The following OR51B5 variants were observed in gnomAD, a reference collection of about 807,000 sequenced individuals.
OR51B5 encodes olfactory receptor 51B5.
For synonymous variants in OR51B5, 186 were observed against 144.8 expected (o/e 1.28, Z -2.04); for missense variants, 456 against 374.6 (o/e 1.22, Z -1.79).
intron 1 of OR51B5, among the ~76,000 whole-genome samples, chr11:5,384,345 C>G (rs945053538): frequency 2.6e-5 from 4 of 152,158 alleles, no homozygotes; most frequent in Admixed American, 2.6e-4. Context: ...CAGTCTGGGC[C>G]TTAGATTTTT....
chr11:5,374,053 C>G (rs1334440066), intron 1 of OR51B5, among the ~76,000 whole-genome samples: 1 of 152,142 alleles, frequency 6.6e-6, no homozygotes, highest in Non-Finnish European at 1.5e-5. Context: ...ACCCCTGACC[C>G]CCGAGCAGCC....
intron 1 of OR51B5, among the ~76,000 whole-genome samples, chr11:5,446,275 G>C (rs917231530): frequency 4.0e-5 from 6 of 149,950 alleles, no homozygotes; most frequent in African/African-American, 1.5e-4. Flanking sequence ...CATAAAAAAA[G>C]AAAGTAGAAT....
At chr11:5,471,635 CAA>C (rs34498667) in intron 1 of OR51B5, among the ~76,000 whole-genome samples, 7 of 124,302 alleles carry the variant, frequency 5.6e-5, no homozygotes, top group East Asian at 2.3e-4. Context: ...GACTCTGTCT[CAA>C]AAAAAAAAAA....
intron 1 of OR51B5, among the ~76,000 whole-genome samples, chr11:5,502,364 C>T (rs866573129): frequency 6.6e-6 from 1 of 152,154 alleles, no homozygotes; most frequent in South Asian, 2.1e-4. Context: ...ATGAATGTAT[C>T]GAGCTCCAGT....
intron 1 of OR51B5, chr11:5,453,939 C>T (rs373768295): frequency 2.3e-5 from 37 of 1,614,092 alleles, no homozygotes; most frequent in South Asian, 5.5e-5. Flanking sequence ...TGCAGCTGCT[C>T]GAAGCTTCAT....
chr11:5,455,028 C>A (rs1317351621), intron 1 of OR51B5: 1 of 152,300 alleles, frequency 6.6e-6, no homozygotes, highest in Non-Finnish European at 1.5e-5. Context: ...ATTGCTTTAA[C>A]TTCACAAAGT....
At chr11:5,504,501 G>A (rs534823882) in intron 1 of OR51B5, among the ~76,000 whole-genome samples, 3 of 152,238 alleles carry the variant, frequency 2.0e-5, no homozygotes, top group African/African-American at 7.2e-5. Flanking sequence ...TTGATCTTGG[G>A]CCATGGCTGA....
chr11:5,505,443 A>C, intron 1 of OR51B5: 2 of 1,304,004 alleles, frequency 1.5e-6, no homozygotes, highest in Non-Finnish European at 2.0e-6. Context: ...ATCTGGACAA[A>C]AACTATCCCC....
At chr11:5,408,857 T>C (rs1260326337) in intron 1 of OR51B5, among the ~76,000 whole-genome samples, 1 of 152,180 alleles carries the variant, frequency 6.6e-6, no homozygotes, top group East Asian at 1.9e-4. Context: ...AAGCATTTAA[T>C]TCATAGAAAA....
At chr11:5,443,008 C>CT (rs1339399094) in intron 1 of OR51B5, among the ~76,000 whole-genome samples, 14 of 152,028 alleles carry the variant, frequency 9.2e-5, no homozygotes, top group African/African-American at 1.7e-4. Flanking sequence ...TCTTTTCTGT[C>CT]TTTTTTTTAA....
chr11:5,407,178 T>C (rs937464880), intron 1 of OR51B5, among the ~76,000 whole-genome samples: 1 of 152,152 alleles, frequency 6.6e-6, no homozygotes, highest in Admixed American at 6.5e-5. Context: ...GGGTACAGGA[T>C]ATATTCATTT....
At chr11:5,367,938 T>G (rs532273668) in intron 1 of OR51B5, among the ~76,000 whole-genome samples, 2 of 152,322 alleles carry the variant, frequency 1.3e-5, no homozygotes, top group South Asian at 4.1e-4. Context: ...TTTCCTATCC[T>G]TACTCAGCAG....
chr11:5,381,553 T>G (rs892461783), intron 1 of OR51B5, among the ~76,000 whole-genome samples: 1 of 152,194 alleles, frequency 6.6e-6, no homozygotes, highest in Admixed American at 6.5e-5. Flanking sequence ...TCTAACATCT[T>G]TACTCAATGT....
chr11:5,483,883 G>C (rs1453372778), intron 1 of OR51B5, among the ~76,000 whole-genome samples: 1 of 152,042 alleles, frequency 6.6e-6, no homozygotes, highest in Non-Finnish European at 1.5e-5. Context: ...AACTGAGAAA[G>C]GACAAGACAT....
At chr11:5,421,883 T>C (rs1342439054) in intron 1 of OR51B5, among the ~76,000 whole-genome samples, 1 of 152,232 alleles carries the variant, frequency 6.6e-6, no homozygotes, top group East Asian at 1.9e-4. Context: ...GTGAGATTTG[T>C]ATGAAAGGCT....
rs766926684 is a variant in OR51B5 at position 5,430,897 on chromosome 11, C to A, written n.84+74672G>T. 6.6e-6 allele frequency: 3 copies of A among 457,070 alleles called. No homozygotes were observed. In the Middle Eastern group the frequency reaches 9.7e-4, roughly 148 times the overall value. The allele number at this position is 457,070 out of a possible 1,614,324, so 28.3% of individuals were successfully genotyped here. A position where few individuals can be genotyped will look rare whatever the true frequency, so the allele number is the denominator to read the frequency against. Reference sequence around the variant, plus strand: ...CACACATGTGTTGAGAGCCTTCCACCGTCCCTCTCCAGAAGCAATGCCCAT... The same window carrying A: ...CACACATGTGTTGAGAGCCTTCCACAGTCCCTCTCCAGAAGCAATGCCCAT... On this transcript the variant is annotated intron_variant and non_coding_transcript_variant, in intron 1 of 4. Coordinates refer to the OR51B5 transcript ENST00000415970.
chr11:5,501,799 G>T (rs1428254439), intron 1 of OR51B5, among the ~76,000 whole-genome samples: 1 of 147,584 alleles, frequency 6.8e-6, no homozygotes, highest in Non-Finnish European at 1.5e-5. Context: ...TAAGTTCTAG[G>T]GTACATGTGC....
chr11:5,489,687 T>TA (rs575645666), intron 1 of OR51B5: 120 of 1,483,222 alleles, frequency 8.1e-5, no homozygotes, highest in African/African-American at 5.9e-4. Flanking sequence ...GTTGGAGATT[T>TA]AAAAAAAAGT....
In OR51B5 at chr11:5,459,581, C is replaced by A. The variant is rs946469506; in HGVS notation, n.84+45988G>T. Reference sequence around the variant, plus strand: ...AAAGTGGGCAAAAGACATGAACAGACACTTCTCAAAAGAAGATATACAGGT... The same window carrying A: ...AAAGTGGGCAAAAGACATGAACAGAAACTTCTCAAAAGAAGATATACAGGT... On this transcript the variant is annotated intron_variant and non_coding_transcript_variant, in intron 1 of 4. Transcript: ENST00000415970. Among the ~76,000 whole-genome samples, 143 of 152,260 alleles carry A rather than the reference C, an allele frequency of 9.4e-4. 5 individuals carry two copies. The South Asian group carries it at 0.029, about 31-fold the overall frequency.
Sources: allele counts gnomAD v4.1 joint callset (sites outside exome capture counted in the v4.1 genomes callset), GRCh38; gene constraint gnomAD v4.1.1; transcripts MANE v1.5; gene names NCBI Gene and HGNC (gene_info 2026-07-23, HGNC 2026-07-21).